The following PRKCE variants were observed in gnomAD, a reference collection of about 807,000 sequenced individuals.
The protein encoded by PRKCE is protein kinase C epsilon, also known as protein kinase C epsilon type.
In PRKCE, 16 loss-of-function variants were observed where a neutral mutation model predicts 85.4. The observed-to-expected ratio is 0.19, with a 90% confidence interval of 0.13 to 0.28. The LOEUF (loss-of-function observed/expected upper bound fraction) is 0.28, where lower values mean the gene tolerates loss of function less well. Among genes scored for constraint, PRKCE ranks in the 10% least tolerant of loss-of-function variants. The pLI, the probability that PRKCE is intolerant of heterozygous loss-of-function variation, is 1.00. For missense variants in PRKCE, 573 were observed against 975.2 expected (o/e 0.59, Z 5.49); for synonymous variants, 388 against 371.5 (o/e 1.04, Z -0.51).
chr2:45,718,225 G>A (rs965902046), intron 1 of PRKCE, among the ~76,000 whole-genome samples: 1 of 151,946 alleles, frequency 6.6e-6, no homozygotes, highest in Admixed American at 6.6e-5. Flanking sequence ...AATGTCTTTA[G>A]ACATTACCAA....
chr2:46,032,219 G>C (rs562880968), intron 10 of PRKCE, among the ~76,000 whole-genome samples: 8 of 151,582 alleles, frequency 5.3e-5, no homozygotes, highest in Non-Finnish European at 1.2e-4. Context: ...TTTGCGACAG[G>C]CAGGGTCCTG....
intron 2 of PRKCE, among the ~76,000 whole-genome samples, chr2:45,946,114 C>G (rs1266637116): frequency 6.6e-6 from 1 of 152,204 alleles, no homozygotes; most frequent in Non-Finnish European, 1.5e-5. Flanking sequence ...TGGCCAGATA[C>G]CAACCAAGGT....
chr2:45,955,868 C>T (rs1700941058), intron 2 of PRKCE, among the ~76,000 whole-genome samples: 1 of 152,070 alleles, frequency 6.6e-6, no homozygotes, highest in Non-Finnish European at 1.5e-5. Flanking sequence ...TGAGTTTTGA[C>T]AATTACATAC....
intron 2 of PRKCE, among the ~76,000 whole-genome samples, chr2:45,862,197 C>G (rs898537388): frequency 1.5e-5 from 2 of 137,758 alleles, no homozygotes; most frequent in African/African-American, 5.5e-5. Flanking sequence ...CACACACACA[C>G]ACACACACAC....
At chr2:45,897,102 T>A (rs1558807492) in intron 2 of PRKCE, among the ~76,000 whole-genome samples, 3 of 152,174 alleles carry the variant, frequency 2.0e-5, no homozygotes, top group Non-Finnish European at 4.4e-5. Context: ...TTACTATTAA[T>A]AACTGCATTG....
At chr2:45,920,540 GA>G (rs1205448639) in intron 2 of PRKCE, among the ~76,000 whole-genome samples, 1 of 152,194 alleles carries the variant, frequency 6.6e-6, no homozygotes, top group African/African-American at 2.4e-5. Flanking sequence ...AATAAAATGT[GA>G]AATATCCATG....
chr2:46,159,965 A>G lies in PRKCE; in HGVS notation c.2067+213A>G. The G allele has an allele frequency of 5.8e-6, 3 of 521,474 alleles. No individual in the cohort carries two copies. The highest frequency in any genetic ancestry group is 9.8e-6 in the Non-Finnish European group (3 of 306,064). The allele number at this position is 521,474 out of a possible 1,614,324, so 32.3% of individuals were successfully genotyped here. On this transcript the variant is annotated intron_variant, in intron 14 of 14. Transcript: ENST00000306156. This position sits in a 1 kb window ranked among gnomAD's most constrained non-coding sequence, Gnocchi z 4.1. ...GTAACCTACTACAGCAGCACCCAAG[A>G]TGATGATTTACGTGGGCCACAGAAC...
At chr2:45,912,688 C>T (rs1284819734) in intron 2 of PRKCE, among the ~76,000 whole-genome samples, 3 of 152,054 alleles carry the variant, frequency 2.0e-5, no homozygotes, top group Non-Finnish European at 4.4e-5. Context: ...GCGCATCTCA[C>T]CGAAAATCTG....
chr2:45,789,303 A>G (rs1230237265), intron 1 of PRKCE, among the ~76,000 whole-genome samples: 1 of 152,232 alleles, frequency 6.6e-6, no homozygotes, highest in Non-Finnish European at 1.5e-5. Context: ...TACAGAGACC[A>G]TAAGATTGAC....
intron 11 of PRKCE, among the ~76,000 whole-genome samples, chr2:46,092,742 T>C (rs372134948): frequency 2.0e-4 from 30 of 152,282 alleles, no homozygotes; most frequent in African/African-American, 7.0e-4. Flanking sequence ...GGCCTCCGTA[T>C]GGAAAATGCA....
intron 6 of PRKCE, among the ~76,000 whole-genome samples, chr2:45,992,950 A>C (rs888561430): frequency 3.3e-5 from 5 of 152,218 alleles, no homozygotes; most frequent in African/African-American, 1.2e-4. Flanking sequence ...GTAGTAGTAG[A>C]AGAGCGCTTC....
chr2:45,724,828 G>A (rs1423014011), intron 1 of PRKCE, among the ~76,000 whole-genome samples: 6 of 152,162 alleles, frequency 3.9e-5, no homozygotes, highest in Non-Finnish European at 8.8e-5. Context: ...AAGAAAAATT[G>A]TAAGCTAGCA....
At chr2:45,659,651 A>G (rs768576092) in intron 1 of PRKCE, among the ~76,000 whole-genome samples, 1 of 151,984 alleles carries the variant, frequency 6.6e-6, no homozygotes, top group East Asian at 1.9e-4. Context: ...CACCCCTTAA[A>G]TGCACTTACC....
Position 46,185,699 on chromosome 2 carries a change from G to C in PRKCE, c.*818G>C, listed in dbSNP as rs1362633907. On this transcript the variant is annotated 3_prime_UTR_variant, in exon 15 of 15. Coordinates refer to ENST00000306156, the MANE Select transcript of PRKCE (RefSeq NM_005400.3). This position sits in a 1 kb window ranked among gnomAD's most constrained non-coding sequence, Gnocchi z 4.7. ...AAACCGGTCGTCCAAGGTGGATGCT[G>C]TCAATGCCCGAGTGACACATGAGAG... 1 of 152,290 alleles carries C rather than the reference G, an allele frequency of 6.6e-6. No individual in the cohort carries two copies. The highest frequency in any genetic ancestry group is 1.5e-5 in the Non-Finnish European group (1 of 68,038). The allele number at this position is 152,290 out of a possible 1,614,324, so 9.4% of individuals were successfully genotyped here. A position where few individuals can be genotyped will look rare whatever the true frequency, so the allele number is the denominator to read the frequency against.
intron 1 of PRKCE, among the ~76,000 whole-genome samples, chr2:45,657,074 G>A (rs666334): frequency 0.29 from 44,501 of 152,020 alleles, 6,837 homozygotes; most frequent in African/African-American, 0.37. Context: ...TAGCTGGCTC[G>A]TTCACATTTT....
At chr2:45,979,937 G>T (rs997892562) in intron 4 of PRKCE, among the ~76,000 whole-genome samples, 8 of 152,100 alleles carry the variant, frequency 5.3e-5, no homozygotes, top group Non-Finnish European at 8.8e-5. Context: ...GGGGTGCGAG[G>T]CCACTACAAC....
intron 10 of PRKCE, among the ~76,000 whole-genome samples, chr2:46,024,121 C>T (rs1706907528): frequency 6.6e-6 from 1 of 152,090 alleles, no homozygotes; most frequent in Non-Finnish European, 1.5e-5. Flanking sequence ...AAACCAAGGT[C>T]CCAAGAGCCC....
chr2:45,865,720 G>C (rs1407096421), intron 2 of PRKCE, among the ~76,000 whole-genome samples: 1 of 152,040 alleles, frequency 6.6e-6, no homozygotes, highest in Non-Finnish European at 1.5e-5. Flanking sequence ...TGGAAGCAGA[G>C]AGCAGCCCTC....
At chr2:45,826,142 C>T (rs1394196274) in intron 1 of PRKCE, among the ~76,000 whole-genome samples, 1 of 152,152 alleles carries the variant, frequency 6.6e-6, no homozygotes. Flanking sequence ...GCAGATCCTC[C>T]TCACCCTCCT....
Sources: allele counts gnomAD v4.1 joint callset (sites outside exome capture counted in the v4.1 genomes callset), GRCh38; gene constraint gnomAD v4.1.1; non-coding constraint Gnocchi (gnomAD v3.1); transcripts MANE v1.5; gene names NCBI Gene and HGNC (gene_info 2026-07-23, HGNC 2026-07-21).